The following SIAH3 variants were observed in gnomAD, a reference collection of about 807,000 sequenced individuals.
SIAH3 encodes seven in absentia homolog 3.
Under a neutral mutation model 12.6 loss-of-function variants are expected in SIAH3, and 9 were observed. That is an observed-to-expected ratio of 0.72 (90% CI 0.43 to 1.25). SIAH3 has a LOEUF of 1.25. SIAH3 is among the 50% of genes most tolerant of loss of function. The pLI is 0.00. For missense variants in SIAH3, 390 were observed against 365.4 expected (o/e 1.07, Z -0.55); for synonymous variants, 154 against 151.1 (o/e 1.02, Z -0.14).
At chr13:45,794,339 C>T (rs17067215) in intron 1 of SIAH3, among the ~76,000 whole-genome samples, 11,066 of 152,172 alleles carry the variant, frequency 0.073, 1,388 homozygotes, top group African/African-American at 0.25. Context: ...ACTCCATACC[C>T]ATGTGCTAAT....
intron 1 of SIAH3, among the ~76,000 whole-genome samples, chr13:45,800,100 A>G (rs1406152951): frequency 1.3e-5 from 2 of 152,216 alleles, no homozygotes; most frequent in African/African-American, 4.8e-5. Flanking sequence ...TGCATAGTAT[A>G]AAGAAAAGAA....
chr13:45,791,179 A>G (rs1379912617), intron 1 of SIAH3, among the ~76,000 whole-genome samples: 1 of 151,912 alleles, frequency 6.6e-6, no homozygotes, highest in Non-Finnish European at 1.5e-5. Context: ...AAAAAAAAAG[A>G]AAAAAAGAAA....
chr13:45,838,354 T>C (rs2117780), intron 1 of SIAH3, among the ~76,000 whole-genome samples: 23,443 of 152,220 alleles, frequency 0.15, 2,616 homozygotes, highest in East Asian at 0.4. Context: ...GTTTCTGGCA[T>C]TTGCTTCAGT....
At chr13:45,814,238 CAAAAAAAAAAA>C (rs56377017) in intron 1 of SIAH3, among the ~76,000 whole-genome samples, 2 of 72,724 alleles carry the variant, frequency 2.8e-5, no homozygotes, top group African/African-American at 1.3e-4. Context: ...GACTCTGTCT[CAAAAAAAAAAA>C]AAAAAAAAAA....
chr13:45,842,372 C>A (rs1375599279), intron 1 of SIAH3, among the ~76,000 whole-genome samples: 1 of 152,170 alleles, frequency 6.6e-6, no homozygotes, highest in East Asian at 1.9e-4. Context: ...GAGACAGGGT[C>A]TTGCTCTGCT....
At position 45,851,645 on chromosome 13, in the gene SIAH3, G is replaced by C. The variant is rs552465122; in HGVS notation, c.-16C>G. On this transcript the variant is annotated 5_prime_UTR_variant, in exon 1 of 2. Coordinates refer to ENST00000400405, the MANE Select transcript of SIAH3 (RefSeq NM_198849.3). ...AGAAAAGCATCACAACTTTTGGGGG[G>C]TTGTTGGTCCGGGAAGGCAGCGGAG... is the stretch of plus-strand genomic sequence containing the variant. The C allele has an allele frequency of 3.1e-6, 5 of 1,613,994 alleles. No individual in the cohort carries two copies. Among genetic ancestry groups the C allele is most frequent in the Non-Finnish European group, 4.2e-6 (5 of 1,179,992 alleles).
chr13:45,836,935 C>T (rs949138910), intron 1 of SIAH3, among the ~76,000 whole-genome samples: 1 of 152,120 alleles, frequency 6.6e-6, no homozygotes, highest in African/African-American at 2.4e-5. Context: ...CCCAGGTGAC[C>T]TCAGAGAGTA....
At chr13:45,826,373 A>T (rs58335174) in intron 1 of SIAH3, among the ~76,000 whole-genome samples, 915 of 27,176 alleles carry the variant, frequency 0.034, 435 homozygotes, top group East Asian at 0.098. Context: ...GGATGGATGG[A>T]TGAATGAATG....
chr13:45,809,386 G>A (rs1950608934), intron 1 of SIAH3, among the ~76,000 whole-genome samples: 2 of 152,130 alleles, frequency 1.3e-5, no homozygotes, highest in Admixed American at 1.3e-4. Context: ...TATAACAGAC[G>A]GCCCAGATAA....
intron 1 of SIAH3, among the ~76,000 whole-genome samples, chr13:45,840,672 C>A (rs764338666): frequency 5.3e-5 from 8 of 152,090 alleles, no homozygotes; most frequent in Non-Finnish European, 7.4e-5. Context: ...CACCCCGAGC[C>A]GGAGCATCTT....
intron 1 of SIAH3, among the ~76,000 whole-genome samples, chr13:45,790,507 A>C (rs1536184): frequency 2.0e-5 from 3 of 152,178 alleles, no homozygotes; most frequent in Admixed American, 6.5e-5. Context: ...AGGACCCTTT[A>C]GTTTCCAGAT....
chr13:45,795,308 T>A (rs1341136970), intron 1 of SIAH3, among the ~76,000 whole-genome samples: 1 of 152,158 alleles, frequency 6.6e-6, no homozygotes, highest in East Asian at 1.9e-4. Context: ...CATTTAAGGA[T>A]GATGTTTATG....
At chr13:45,812,580 G>A (rs970067825) in intron 1 of SIAH3, among the ~76,000 whole-genome samples, 12 of 152,158 alleles carry the variant, frequency 7.9e-5, no homozygotes, top group African/African-American at 2.9e-4. Context: ...TTGCTATCAT[G>A]ACACAGAATT....
At chr13:45,818,255 G>A (rs1171018561) in intron 1 of SIAH3, among the ~76,000 whole-genome samples, 2 of 152,076 alleles carry the variant, frequency 1.3e-5, no homozygotes, top group Non-Finnish European at 2.9e-5. Flanking sequence ...GTTTCTTCAG[G>A]TCACCTTCCA....
In SIAH3 at chr13:45,783,339, G is replaced by T. The variant is rs565427443; in HGVS notation, c.*44C>A. On this transcript the variant is annotated 3_prime_UTR_variant, in exon 2 of 2. Transcript: ENST00000400405. ...GTCCTGGTATTGGGAGGTCCCAGGC[G>T]TTTCCTAGGGAGGCTGTGTGGGGAG... 1 of 1,545,380 alleles carries T rather than the reference G, an allele frequency of 6.5e-7. No individual in the cohort carries two copies. Among genetic ancestry groups the T allele is most frequent in the Non-Finnish European group, 8.8e-7 (1 of 1,133,124 alleles).
rs114846487 is a variant in SIAH3 at position 45,827,759 on chromosome 13, A to G, written c.135+23736T>C. Among the ~76,000 whole-genome samples the G allele has an allele frequency of 8.3e-3, 1,261 of 152,334 alleles. 17 individuals are homozygous for G. The highest frequency in any genetic ancestry group is 0.029 in the African/African-American group (1,207 of 41,574). ...CAGGGTAGCCTTGTGTTCAGACTAC[A>G]TGATACCAAAGCAACATTTCCCTTC... On this transcript the variant is annotated intron_variant, in intron 1 of 1. Coordinates refer to ENST00000400405, the MANE Select transcript of SIAH3 (RefSeq NM_198849.3).
chr13:45,815,485 G>C (rs1290335993), intron 1 of SIAH3, among the ~76,000 whole-genome samples: 2 of 152,152 alleles, frequency 1.3e-5, no homozygotes, highest in African/African-American at 4.8e-5. Flanking sequence ...AACTTACCAG[G>C]ATCGCATGAG....
intron 1 of SIAH3, 72 bp from the exon 2 acceptor site, chr13:45,784,129 CAA>C: frequency 7.1e-7 from 1 of 1,408,564 alleles, no homozygotes; most frequent in African/African-American, 1.4e-5. Flanking sequence ...CCCTGATGTT[CAA>C]AGTGTTAAAA....
chr13:45,828,579 A>G lies in SIAH3; in HGVS notation c.135+22916T>C, dbSNP rs117739089. 1.5e-3 allele frequency among the ~76,000 whole-genome samples: 226 copies of G among 152,318 alleles called. 1 individual carries two copies. The highest frequency in any genetic ancestry group is 7.7e-3 in the Admixed American group (118 of 15,306). ...ACTGCTATCCCAGCTTATCTAATGA[A>G]AGATAGTCCAAATTTCCTCTCAATC... On this transcript the variant is annotated intron_variant, in intron 1 of 1. Coordinates refer to ENST00000400405, the MANE Select transcript of SIAH3 (RefSeq NM_198849.3).
Sources: allele counts gnomAD v4.1 joint callset (sites outside exome capture counted in the v4.1 genomes callset), GRCh38; gene constraint gnomAD v4.1.1; transcripts MANE v1.5; gene names NCBI Gene and HGNC (gene_info 2026-07-23, HGNC 2026-07-21).